NRP2: variants seen among roughly 807,000 people sequenced by gnomAD.
NRP2 encodes the protein neuropilin 2.
NRP2 carries 52 observed loss-of-function variants against 110.4 expected under a neutral mutation model. That is an observed-to-expected ratio of 0.47 (90% CI 0.38 to 0.59). The LOEUF is 0.59. Among genes scored for constraint, NRP2 ranks in the 20% least tolerant of loss-of-function variants. The pLI, the probability that NRP2 is intolerant of heterozygous loss-of-function variation, is 0.00. For missense variants in NRP2, 1,049 were observed against 1,203.0 expected, an observed-to-expected ratio of 0.87 and a Z score of 1.89; for synonymous variants, 508 against 468.9, an observed-to-expected ratio of 1.08 and a Z score of -1.08.
At chr2:205,685,030 C>A (rs1380402611) in intron 1 of NRP2, among the ~76,000 whole-genome samples, 1 of 152,180 alleles carries the variant, frequency 6.6e-6, no homozygotes, top group African/African-American at 2.4e-5. Flanking sequence ...CGGGAGGGGT[C>A]GTGAAGACTC....
chr2:205,748,672 T>C (rs763224907), intron 10 of NRP2, among the ~76,000 whole-genome samples: 1 of 152,136 alleles, frequency 6.6e-6, no homozygotes, highest in Non-Finnish European at 1.5e-5. Flanking sequence ...CCTAATCACA[T>C]ACAGTAGTGC....
chr2:205,688,260 C>G (rs919163141), intron 1 of NRP2, among the ~76,000 whole-genome samples: 5 of 152,238 alleles, frequency 3.3e-5, no homozygotes, highest in African/African-American at 1.2e-4. Context: ...CTGACCATCA[C>G]TTGCAACTGG....
intron 2 of NRP2, among the ~76,000 whole-genome samples, chr2:205,699,454 A>G (rs1425440827): frequency 6.6e-6 from 1 of 152,216 alleles, no homozygotes; most frequent in African/African-American, 2.4e-5. Context: ...AAATCTCCCA[A>G]GGAAATTGCC....
chr2:205,687,775 TC>T (rs989702359), intron 1 of NRP2, among the ~76,000 whole-genome samples: 8 of 152,192 alleles, frequency 5.3e-5, no homozygotes, highest in African/African-American at 1.9e-4. Flanking sequence ...ATGTATCAAG[TC>T]CACGTTCTGC....
chr2:205,770,805 G>A (rs1379411346), intron 15 of NRP2, among the ~76,000 whole-genome samples: 1 of 152,150 alleles, frequency 6.6e-6, no homozygotes, highest in Non-Finnish European at 1.5e-5. Context: ...ATTAAGGCTA[G>A]GTGTTGCTGA....
In NRP2 at chr2:205,795,133, T is replaced by C. The variant is rs2058340997; in HGVS notation, c.*75T>C. On this transcript the variant is annotated 3_prime_UTR_variant, in exon 17 of 17. Transcript: ENST00000357785. ...GGGGAAGATTACATTTTTTTTTCCTTTGGAAACTGAATGCCATAATCTCGA... is the reference window on the plus strand; with the variant it reads ...GGGGAAGATTACATTTTTTTTTCCTCTGGAAACTGAATGCCATAATCTCGA... 1.4e-6 allele frequency: 2 copies of C among 1,384,648 alleles called. No individual in the cohort carries two copies. The highest frequency in any genetic ancestry group is 2.0e-6 in the Non-Finnish European group (2 of 994,162). The allele number at this position is 1,384,648 out of a possible 1,614,324, so 85.8% of individuals were successfully genotyped here.
chr2:205,776,948 ATG>A (rs1164423313), intron 15 of NRP2: 5 of 1,139,808 alleles, frequency 4.4e-6, no homozygotes, highest in Non-Finnish European at 5.4e-6. Context: ...CATAGTAGAC[ATG>A]TGTGTGTGTG....
intron 1 of NRP2, 145 bp from the exon 2 acceptor site, chr2:205,697,399 G>A: frequency 2.5e-6 from 2 of 793,660 alleles, no homozygotes; most frequent in Non-Finnish European, 4.4e-6. Context: ...CACCGAATGA[G>A]TAAGTAGGTT....
intron 15 of NRP2, among the ~76,000 whole-genome samples, chr2:205,774,394 G>A (rs1378758774): frequency 1.3e-5 from 2 of 152,190 alleles, no homozygotes; most frequent in Non-Finnish European, 2.9e-5. Flanking sequence ...AGGCAATAAG[G>A]TGGGAGAAGA....
intron 2 of NRP2, among the ~76,000 whole-genome samples, chr2:205,706,624 A>C (rs2056683147): frequency 6.6e-6 from 1 of 152,116 alleles, no homozygotes; most frequent in African/African-American, 2.4e-5. Flanking sequence ...CGATTTATCT[A>C]TGTGTCATCT....
At chr2:205,712,176 G>T (rs1474371477) in intron 2 of NRP2, among the ~76,000 whole-genome samples, 1 of 152,150 alleles carries the variant, frequency 6.6e-6, no homozygotes, top group African/African-American at 2.4e-5. Context: ...AAATAAAAAG[G>T]CACTCGGGGA....
intron 9 of NRP2, among the ~76,000 whole-genome samples, chr2:205,745,054 C>T (rs915378044): frequency 1.3e-5 from 2 of 152,200 alleles, no homozygotes; most frequent in African/African-American, 4.8e-5. Flanking sequence ...CCACTCCTGT[C>T]CTTCCCCCGG....
At chr2:205,748,438 A>G (rs1367768170) in intron 10 of NRP2, among the ~76,000 whole-genome samples, 1 of 152,228 alleles carries the variant, frequency 6.6e-6, no homozygotes, top group African/African-American at 2.4e-5. Flanking sequence ...TCTATGACAC[A>G]GTGACAAACT....
At chr2:205,745,636 G>A in intron 9 of NRP2, 110 bp from the exon 10 acceptor site, 3 of 1,244,324 alleles carry the variant, frequency 2.4e-6, no homozygotes, top group Non-Finnish European at 3.5e-6. Flanking sequence ...CTAGGAAGCT[G>A]CCTTCCTAGC....
chr2:205,771,929 C>T (rs560098673), intron 15 of NRP2, among the ~76,000 whole-genome samples: 1 of 152,228 alleles, frequency 6.6e-6, no homozygotes, highest in African/African-American at 2.4e-5. Context: ...CACAAACAGG[C>T]AGTGGGCTGG....
intron 2 of NRP2, chr2:205,700,596 G>T: frequency 2.5e-6 from 1 of 407,784 alleles, no homozygotes; most frequent in Admixed American, 2.7e-5. Context: ...CTGGGCCCTT[G>T]GCTCCCTGTA....
At chr2:205,689,964 C>A (rs1377459710) in intron 1 of NRP2, among the ~76,000 whole-genome samples, 1 of 152,080 alleles carries the variant, frequency 6.6e-6, no homozygotes, top group African/African-American at 2.4e-5. Context: ...ATTATCTAAT[C>A]CAGAAAAAAA....
intron 15 of NRP2, chr2:205,767,091 T>C (rs918944565): frequency 4.0e-6 from 2 of 496,390 alleles, no homozygotes; most frequent in African/African-American, 2.0e-5. Flanking sequence ...CGGGGAGCAA[T>C]GAGGCTGAAA....
chr2:205,762,500 T>G (rs2057840695), intron 12 of NRP2: 1 of 152,220 alleles, frequency 6.6e-6, no homozygotes, highest in Non-Finnish European at 1.5e-5. Flanking sequence ...GTCCAGGATA[T>G]TCACAGTCCC....
Sources: gnomAD v4.1 joint callset for allele counts (sites outside exome capture counted in the v4.1 genomes callset) on GRCh38, gnomAD v4.1.1 for gene constraint, MANE v1.5 for transcripts, NCBI Gene and HGNC (gene_info 2026-07-23, HGNC 2026-07-21) for gene names.